Variants in N4BP2L2 observed in about 807,000 individuals in gnomAD.
N4BP2L2 encodes the protein NEDD4-binding protein 2-like 2.
A neutral mutation model predicts 56.2 loss-of-function variants in N4BP2L2; 50 were observed. That is an observed-to-expected ratio of 0.89 (90% CI 0.71 to 1.13). The LOEUF (loss-of-function observed/expected upper bound fraction) is 1.13. Ranked by LOEUF, N4BP2L2 falls within the 50% of genes most tolerant of loss-of-function variation. The pLI is 0.00. For missense variants in N4BP2L2, 689 were observed against 693.8 expected (o/e 0.99, Z 0.08); for synonymous variants, 203 against 223.6 (o/e 0.91, Z 0.82).
At chr13:32,528,423 T>C (rs1483422203) in intron 2 of N4BP2L2, among the ~76,000 whole-genome samples, 1 of 152,188 alleles carries the variant, frequency 6.6e-6, no homozygotes, top group Non-Finnish European at 1.5e-5. Context: ...AATGAAATTA[T>C]TAAACACTAA....
intron 6 of N4BP2L2, among the ~76,000 whole-genome samples, chr13:32,475,282 G>A (rs1442790657): frequency 6.6e-6 from 1 of 152,208 alleles, no homozygotes; most frequent in Non-Finnish European, 1.5e-5. Context: ...TCTGGTCAAG[G>A]TTGAGAAAGA....
At position 32,489,458 on chromosome 13, in the gene N4BP2L2, C is replaced by T. The variant is rs115440713; in HGVS notation, c.365+28399G>A. ...AAATTGTTAAAAAATGTATGGAGAT[C>T]AAGCAGCATATATTTTAAGAATACA... On this transcript the variant is annotated intron_variant, in intron 6 of 9. Coordinates refer to the N4BP2L2 transcript ENST00000357505. Among the ~76,000 whole-genome samples, 1,157 of 152,224 alleles carry T rather than the reference C, an allele frequency of 7.6e-3. 13 individuals carry two copies. Among genetic ancestry groups the T allele is most frequent in the African/African-American group, 0.026 (1,090 of 41,520 alleles).
chr13:32,521,587 G>A, intron 4 of N4BP2L2, 138 bp from the exon 5 acceptor site: 1 of 582,256 alleles, frequency 1.7e-6, no homozygotes, highest in Admixed American at 3.4e-5. Context: ...AAAATAATAT[G>A]GTTTATAACA....
chr13:32,478,236 G>T lies in N4BP2L2; in HGVS notation c.366-34110C>A, dbSNP rs543376323. 1.2e-3 allele frequency: 428 copies of T among 360,348 alleles called. 1 individual carries two copies. Among genetic ancestry groups the T allele is most frequent in the African/African-American group, 8.0e-3 (376 of 47,262 alleles). 22.3% of individuals were successfully genotyped at this position (360,348 alleles called of 1,614,324 possible). A position where few individuals can be genotyped will look rare whatever the true frequency, so the allele number is the denominator to read the frequency against. ...ACATTTAAGAAGCGTACCACTGCAG[G>T]TGTAATTTACGGTCAGACACCTTCT... is the stretch of plus-strand genomic sequence containing the variant. On this transcript the variant is annotated intron_variant, in intron 6 of 9. Coordinates refer to the N4BP2L2 transcript ENST00000357505.
At chr13:32,469,939 A>T (rs1296244553) in intron 6 of N4BP2L2, among the ~76,000 whole-genome samples, 1 of 152,088 alleles carries the variant, frequency 6.6e-6, no homozygotes, top group Non-Finnish European at 1.5e-5. Context: ...GCTCAGAGGG[A>T]CACTGGACCA....
chr13:32,446,431 A>G, intron 6 of N4BP2L2: 1 of 1,358,824 alleles, frequency 7.4e-7, no homozygotes, highest in Non-Finnish European at 9.8e-7. Flanking sequence ...GCAGACTAGT[A>G]TGTCATTCTG....
At chr13:32,494,559 C>A (rs535147476) in intron 6 of N4BP2L2, among the ~76,000 whole-genome samples, 2 of 151,946 alleles carry the variant, frequency 1.3e-5, no homozygotes, top group East Asian at 3.9e-4. Context: ...GTCAGGAGAT[C>A]GAGACCATCC....
chr13:32,486,258 C>T (rs903157736), intron 6 of N4BP2L2, among the ~76,000 whole-genome samples: 3 of 151,698 alleles, frequency 2.0e-5, no homozygotes, highest in Middle Eastern at 3.4e-3. Flanking sequence ...ACACCACAGG[C>T]GATTAGGCAA....
intron 5 of N4BP2L2, among the ~76,000 whole-genome samples, chr13:32,518,773 G>T (rs777397055): frequency 5.7e-4 from 87 of 152,192 alleles, no homozygotes; most frequent in Non-Finnish European, 1.1e-3. Flanking sequence ...ATGCTCCCAT[G>T]ACATGGGTGA....
At chr13:32,488,040 T>C (rs996697665) in intron 6 of N4BP2L2, among the ~76,000 whole-genome samples, 41 of 152,156 alleles carry the variant, frequency 2.7e-4, no homozygotes, top group Admixed American at 2.6e-3. Context: ...AGGTGTACTA[T>C]CATCATCCCC....
At chr13:32,457,609 C>G (rs892238527) in intron 6 of N4BP2L2, among the ~76,000 whole-genome samples, 9 of 152,064 alleles carry the variant, frequency 5.9e-5, no homozygotes, top group Admixed American at 5.9e-4. Flanking sequence ...AATTATCAAC[C>G]AAGAATACTA....
In N4BP2L2 at chr13:32,435,133, A is replaced by G. The variant is rs1448036887; in HGVS notation, c.*21+1228T>C. On this transcript the variant is annotated intron_variant, in intron 9 of 9. Transcript: ENST00000357505. Reference sequence around the variant, plus strand: ...CAGCCAAGTCCTTGCCCAACATGCTATGGTGTTAAATCAAATCCCTACAAC... The same window carrying G: ...CAGCCAAGTCCTTGCCCAACATGCTGTGGTGTTAAATCAAATCCCTACAAC... Among the ~76,000 whole-genome samples the G allele has an allele frequency of 2.0e-5, 3 of 152,176 alleles. No individual in the cohort carries two copies. In the South Asian group the frequency reaches 6.2e-4, roughly 32 times the overall value.
chr13:32,518,570 A>G (rs542640245), intron 5 of N4BP2L2, among the ~76,000 whole-genome samples: 1 of 152,320 alleles, frequency 6.6e-6, no homozygotes, highest in Non-Finnish European at 1.5e-5. Context: ...CTTTGATAAA[A>G]GGCAAAACTA....
intron 6 of N4BP2L2, among the ~76,000 whole-genome samples, chr13:32,468,043 A>G (rs1023698197): frequency 2.0e-5 from 3 of 152,146 alleles, no homozygotes; most frequent in Admixed American, 2.0e-4. Context: ...GCTCAGTTTC[A>G]GGAGGCCCTT....
At chr13:32,534,400 C>CT (rs1265422186) in intron 2 of N4BP2L2, among the ~76,000 whole-genome samples, 6 of 152,130 alleles carry the variant, frequency 3.9e-5, no homozygotes, top group Non-Finnish European at 8.8e-5. Context: ...CACTCTTAGT[C>CT]AAGTGGTCCT....
At chr13:32,536,015 G>A (rs1179471756) in exon 2 of N4BP2L2, 1 of 1,613,896 alleles carries the variant, frequency 6.2e-7, no homozygotes, top group Admixed American at 1.7e-5. Flanking sequence ...ACTACAGTCA[G>A]TATATTCATT....
At chr13:32,517,745 G>A (rs1179355982) in exon 6 of N4BP2L2, 5 of 1,588,994 alleles carry the variant, frequency 3.1e-6, no homozygotes, top group Non-Finnish European at 3.4e-6. Context: ...CTCCAAGACA[G>A]GCTCACTAAC....
At chr13:32,438,385 T>C (rs1369786547) in intron 8 of N4BP2L2, among the ~76,000 whole-genome samples, 2 of 152,206 alleles carry the variant, frequency 1.3e-5, no homozygotes, top group African/African-American at 4.8e-5. Context: ...TCTAAAAAGT[T>C]AATCTCATAG....
chr13:32,440,245 C>A (rs2076101251), intron 7 of N4BP2L2, among the ~76,000 whole-genome samples: 1 of 152,000 alleles, frequency 6.6e-6, no homozygotes, highest in African/African-American at 2.4e-5. Flanking sequence ...TTAAAAAACT[C>A]AGGATGACAA....
Sources: gnomAD v4.1 joint callset for allele counts (sites outside exome capture counted in the v4.1 genomes callset) on GRCh38, gnomAD v4.1.1 for gene constraint, MANE v1.5 for transcripts, NCBI Gene and HGNC (gene_info 2026-07-23, HGNC 2026-07-21) for gene names.